The following LARP4B variants were observed in gnomAD, a reference collection of about 807,000 sequenced individuals.
LARP4B encodes the protein la-related protein 4B.
In LARP4B, 12 loss-of-function variants were observed where a neutral mutation model predicts 89.8. The observed-to-expected ratio is 0.13, with a 90% CI of 0.09 to 0.22. The LOEUF (loss-of-function observed/expected upper bound fraction) is 0.22, where lower values mean the gene tolerates loss of function less well. Ranked by LOEUF, LARP4B falls within the 10% of genes least tolerant of loss-of-function variation. The probability of loss-of-function intolerance (pLI) is 1.00; values close to 1 mark genes in which losing one functional copy is unlikely to be tolerated. For missense variants in LARP4B, 757 were observed against 947.7 expected (o/e 0.80, Z 2.64); for synonymous variants, 367 against 363.3 (o/e 1.01, Z -0.12).
chr10:836,054 C>G (rs1833201344), intron 8 of LARP4B, among the ~76,000 whole-genome samples: 1 of 149,124 alleles, frequency 6.7e-6, no homozygotes, highest in Admixed American at 6.7e-5. Flanking sequence ...CATAGAAATA[C>G]TTGTTTTGAA....
chr10:829,801 A>G, intron 9 of LARP4B, 67 bp from the exon 10 acceptor site: 2 of 1,045,222 alleles, frequency 1.9e-6, no homozygotes, highest in Non-Finnish European at 3.0e-6. Context: ...CCAATAGTTC[A>G]CTCAATAGCT....
At chr10:865,332 C>G (rs1413800417) in intron 3 of LARP4B, among the ~76,000 whole-genome samples, 1 of 152,202 alleles carries the variant, frequency 6.6e-6, no homozygotes, top group Non-Finnish European at 1.5e-5. Context: ...ACATACCAAG[C>G]TCATCGGCCA....
intron 1 of LARP4B, among the ~76,000 whole-genome samples, chr10:890,818 T>G (rs1835996241): frequency 6.6e-6 from 1 of 152,262 alleles, no homozygotes; most frequent in Admixed American, 6.5e-5. Context: ...TCCCACTCCC[T>G]GAGGGGGTTT....
rs1043186424 is a variant in LARP4B at position 822,589 on chromosome 10, T to C, written c.1485-1744A>G. ...GCCGTAGAACACTGTCAGCTGTCAG[T>C]GCCCATCATGCAGAGAGCAGGTTGG... On this transcript the variant is annotated intron_variant, in intron 13 of 17. Transcript: ENST00000316157. The surrounding 1 kb of genome is among the most constrained non-coding windows in gnomAD (Gnocchi z 4.6). Among the ~76,000 whole-genome samples, 4 of 152,230 alleles carry C rather than the reference T, an allele frequency of 2.6e-5. No individual in the cohort carries two copies. Among genetic ancestry groups the C allele is most frequent in the Non-Finnish European group, 5.9e-5 (4 of 68,034 alleles).
At chr10:892,902 ATTTTTTTTTTT>A (rs56051964) in intron 1 of LARP4B, among the ~76,000 whole-genome samples, 1 of 117,946 alleles carries the variant, frequency 8.5e-6, no homozygotes, top group Non-Finnish European at 1.7e-5. Flanking sequence ...ACCAAGAGAA[ATTTTTTTTTTT>A]TTTTTTTTTT....
chr10:871,808 G>A (rs142814336), intron 3 of LARP4B, among the ~76,000 whole-genome samples: 1 of 152,258 alleles, frequency 6.6e-6, no homozygotes, highest in African/African-American at 2.4e-5. Flanking sequence ...GATACTATCT[G>A]CTTTGTTAAC....
the LARP4B span, among the ~76,000 whole-genome samples, chr10:947,157 A>C: frequency 6.6e-6 from 1 of 152,192 alleles, no homozygotes; most frequent in African/African-American, 2.4e-5. Flanking sequence ...GGCGTGAGCC[A>C]CTATGCCCAG....
the LARP4B span, among the ~76,000 whole-genome samples, chr10:943,844 G>A: frequency 6.6e-6 from 1 of 151,948 alleles, no homozygotes; most frequent in South Asian, 2.1e-4. Context: ...AGCTTTCTTG[G>A]TGGTGTCCAC....
intron 1 of LARP4B, among the ~76,000 whole-genome samples, chr10:910,817 T>C (rs1564442562): frequency 6.6e-6 from 1 of 152,220 alleles, no homozygotes; most frequent in Admixed American, 6.5e-5. Flanking sequence ...TAGCCTTTCA[T>C]TTGTGACCAA....
At chr10:842,099 T>A (rs1478935190) in intron 7 of LARP4B, among the ~76,000 whole-genome samples, 2 of 152,146 alleles carry the variant, frequency 1.3e-5, no homozygotes, top group Non-Finnish European at 2.9e-5. Flanking sequence ...CTTAGCAATG[T>A]CCAATCACTC....
At chr10:911,330 AC>A (rs1243549522) in intron 1 of LARP4B, among the ~76,000 whole-genome samples, 10 of 151,848 alleles carry the variant, frequency 6.6e-5, no homozygotes, top group African/African-American at 2.4e-4. Context: ...AAAAGCTGAT[AC>A]TTTGGCTATT....
chr10:922,214 C>T (rs1210937548), intron 1 of LARP4B, among the ~76,000 whole-genome samples: 2 of 152,202 alleles, frequency 1.3e-5, no homozygotes, highest in Non-Finnish European at 2.9e-5. Context: ...GATTTGAGCT[C>T]TTATGAGAAT....
chr10:846,714 G>A (rs117757866), intron 5 of LARP4B, among the ~76,000 whole-genome samples: 2,844 of 152,254 alleles, frequency 0.019, 32 homozygotes, highest in Non-Finnish European at 0.03. Flanking sequence ...GACTGTGCAG[G>A]CACCAGCCGG....
At chr10:851,877 G>A (rs1001523376) in intron 5 of LARP4B, among the ~76,000 whole-genome samples, 1 of 152,046 alleles carries the variant, frequency 6.6e-6, no homozygotes, top group Non-Finnish European at 1.5e-5. Context: ...ACCAGCCTGG[G>A]TAACATGGTG....
the LARP4B span, among the ~76,000 whole-genome samples, chr10:967,268 A>G: frequency 6.6e-6 from 1 of 152,234 alleles, no homozygotes; most frequent in Non-Finnish European, 1.5e-5. Context: ...TTCAAGGAAT[A>G]AAAATGCTAG....
the LARP4B span, among the ~76,000 whole-genome samples, chr10:984,429 A>G: frequency 1.3e-5 from 2 of 152,340 alleles, no homozygotes; most frequent in South Asian, 4.1e-4. Flanking sequence ...TTGTTCCTTT[A>G]TGGAACAGCA....
At chr10:924,323 T>C (rs1332691442) in intron 1 of LARP4B, 1 of 152,232 alleles carries the variant, frequency 6.6e-6, no homozygotes, top group Non-Finnish European at 1.5e-5. Flanking sequence ...TCATTTAGAC[T>C]GGGGCTTGGC....
At chr10:890,570 TGTGA>T (rs1277579584) in intron 1 of LARP4B, among the ~76,000 whole-genome samples, 1 of 152,196 alleles carries the variant, frequency 6.6e-6, no homozygotes, top group Non-Finnish European at 1.5e-5. Flanking sequence ...GAAAACAGAA[TGTGA>T]GTAACTAACT....
intron 3 of LARP4B, among the ~76,000 whole-genome samples, chr10:878,369 G>A (rs1467710284): frequency 3.9e-5 from 6 of 152,174 alleles, no homozygotes; most frequent in Non-Finnish European, 4.4e-5. Flanking sequence ...CTGGCTCCAT[G>A]AGATGAGAAG....
Sources: allele counts gnomAD v4.1 joint callset (sites outside exome capture counted in the v4.1 genomes callset), GRCh38; gene constraint gnomAD v4.1.1; non-coding constraint Gnocchi (gnomAD v3.1); transcripts MANE v1.5; gene names NCBI Gene and HGNC (gene_info 2026-07-23, HGNC 2026-07-21).